Variants in MBD5 observed in about 807,000 individuals in gnomAD.
MBD5 encodes methyl-CpG-binding domain protein 5.
Under a neutral mutation model 117.3 loss-of-function variants are expected in MBD5, and 13 were observed. The observed-to-expected ratio is 0.11, with a 90% confidence interval of 0.07 to 0.18. MBD5 has a LOEUF of 0.18. Ranked by LOEUF, MBD5 falls within the 10% of genes least tolerant of loss-of-function variation. MBD5 has a pLI of 1.00. For missense variants in MBD5, 1,879 were observed against 2,093.8 expected, an observed-to-expected ratio of 0.90 and a Z score of 2.00; for synonymous variants, 727 against 766.4, an observed-to-expected ratio of 0.95 and a Z score of 0.85.
At chr2:148,255,753 AGACAGGAGTGT>A (rs1196623015) in intron 3 of MBD5, among the ~76,000 whole-genome samples, 1 of 152,348 alleles carries the variant, frequency 6.6e-6, no homozygotes, top group East Asian at 1.9e-4. Flanking sequence ...AGCCCCACAA[AGACAGGAGTGT>A]GACATGCAAG....
chr2:148,150,564 G>T (rs1370167232), intron 1 of MBD5, among the ~76,000 whole-genome samples: 16 of 152,094 alleles, frequency 1.1e-4, no homozygotes, highest in African/African-American at 2.2e-4. Context: ...TGATTCTTCT[G>T]ACCCATGAGC....
At chr2:148,339,289 A>G (rs1264951786) in intron 3 of MBD5, among the ~76,000 whole-genome samples, 4 of 152,232 alleles carry the variant, frequency 2.6e-5, no homozygotes, top group South Asian at 4.2e-4. Flanking sequence ...CAAAAAGGAT[A>G]TGGTAGGCTG....
rs1383742698 is a variant in MBD5 at position 148,449,179 on chromosome 2, A to T, written c.-556-9024A>T. Among the ~76,000 whole-genome samples the T allele has an allele frequency of 2.6e-5, 4 of 152,230 alleles. No homozygotes were observed. In the East Asian group the frequency reaches 7.7e-4, roughly 29 times the overall value. ...ATAAAAAGTAAATTTTTTTAAAGAT[A>T]TGTATTTGAGAGCTGGTAATTGTTC... On this transcript the variant is annotated intron_variant, in intron 4 of 13. Coordinates refer to ENST00000642680, the MANE Select transcript of MBD5 (RefSeq NM_001378120.1).
chr2:148,406,957 T>TA (rs1705097880), intron 4 of MBD5, among the ~76,000 whole-genome samples: 1 of 152,208 alleles, frequency 6.6e-6, no homozygotes, highest in Non-Finnish European at 1.5e-5. Context: ...TAACATGACC[T>TA]GCAATTATTT....
At position 148,330,049 on chromosome 2, in the gene MBD5, C is replaced by G. The variant is rs1358016024; in HGVS notation, c.-679-12165C>G. ...TAGGTAAGAACCCCCCCCCGCCCCC[C>G]CCACACACACACACACACTGCCTAA... On this transcript the variant is annotated intron_variant, in intron 3 of 13. Coordinates refer to ENST00000642680, the MANE Select transcript of MBD5 (RefSeq NM_001378120.1). Among the ~76,000 whole-genome samples, 202 of 45,890 alleles carry G rather than the reference C, an allele frequency of 4.4e-3. 18 individuals carry two copies. The highest frequency in any genetic ancestry group is 6.7e-3 in the Non-Finnish European group (135 of 20,008). The allele number at this position is 45,890 out of a possible 152,430, so 30.1% of individuals were successfully genotyped here.
chr2:148,484,114 C>A lies in MBD5; in HGVS notation c.3523C>A (p.Leu1175Ile). The A allele has an allele frequency of 1.3e-6, 2 of 1,511,008 alleles. No individual in the cohort carries two copies. Among genetic ancestry groups the A allele is most frequent in the South Asian group, 1.3e-5 (1 of 77,200 alleles). 93.6% of individuals were successfully genotyped at this position (1,511,008 alleles called of 1,614,324 possible). A position where few individuals can be genotyped will look rare whatever the true frequency, so the allele number is the denominator to read the frequency against. The stretch of plus-strand genomic sequence containing the variant: ...TGTGGTGCCACAGCTACTTAACCCT[C>A]TACTGGGGACAGGTCTACTTGGTAA... ...NSVVPQLLNPLLGTGLLGDMS... is the reference protein window; with the variant it reads ...NSVVPQLLNPILGTGLLGDMS... Residue 1175 changes from leucine to isoleucine, a missense_variant, in exon 9 of 14, where the codon CTA becomes ATA. Leu to Ile is a conservative substitution (Grantham distance 5, BLOSUM62 2). Coordinates refer to ENST00000642680, the MANE Select transcript of MBD5 (RefSeq NM_001378120.1).
intron 4 of MBD5, among the ~76,000 whole-genome samples, chr2:148,343,212 T>C (rs1702996490): frequency 6.6e-6 from 1 of 152,060 alleles, no homozygotes; most frequent in Non-Finnish European, 1.5e-5. Flanking sequence ...GAATCTTTAC[T>C]ATGAAGAATA....
At chr2:148,456,021 G>T (rs1242922922) in intron 4 of MBD5, among the ~76,000 whole-genome samples, 1 of 152,108 alleles carries the variant, frequency 6.6e-6, no homozygotes, top group African/African-American at 2.4e-5. Context: ...TGTGAACAGG[G>T]ATTGACCCGT....
intron 4 of MBD5, among the ~76,000 whole-genome samples, chr2:148,389,476 A>G (rs1288946473): frequency 6.6e-6 from 1 of 151,204 alleles, no homozygotes; most frequent in Non-Finnish European, 1.5e-5. Flanking sequence ...ATGGAATGGT[A>G]GTTCTATTTT....
chr2:148,330,115 A>ACACACACT (rs148068244), intron 3 of MBD5, among the ~76,000 whole-genome samples: 12 of 127,420 alleles, frequency 9.4e-5, no homozygotes, highest in African/African-American at 2.8e-4. Context: ...ACACACACAC[A>ACACACACT]CACTCTACCT....
intron 4 of MBD5, among the ~76,000 whole-genome samples, chr2:148,389,561 C>T (rs1047068295): frequency 1.3e-5 from 2 of 151,788 alleles, no homozygotes; most frequent in African/African-American, 2.4e-5. Flanking sequence ...AGTGTATAAG[C>T]ATTCCCTTTC....
In MBD5 at chr2:148,480,789, A is replaced by G. The variant is rs1326689029; in HGVS notation, c.2519-2321A>G. Among the ~76,000 whole-genome samples the G allele has an allele frequency of 2.0e-5, 3 of 152,204 alleles. No individual in the cohort carries two copies. The East Asian group carries it at 5.8e-4, about 29-fold the overall frequency. ...ATGTTTTCTTACCCTACTCTTGGTG[A>G]ATGTGGTCATTATTTCATAAATATT... is the stretch of plus-strand genomic sequence containing the variant. On this transcript the variant is annotated intron_variant, in intron 8 of 13. Coordinates refer to ENST00000642680, the MANE Select transcript of MBD5 (RefSeq NM_001378120.1).
intron 1 of MBD5, among the ~76,000 whole-genome samples, chr2:148,073,997 C>CT (rs918670381): frequency 2.1e-4 from 32 of 149,302 alleles, no homozygotes; most frequent in South Asian, 4.2e-4. Context: ...ACCAGATAAT[C>CT]TTTTTTTTTT....
At chr2:148,500,995 G>A (rs1485253754) in intron 11 of MBD5, among the ~76,000 whole-genome samples, 1 of 152,132 alleles carries the variant, frequency 6.6e-6, no homozygotes, top group Non-Finnish European at 1.5e-5. Context: ...TTTTCTTTAT[G>A]TGAAGTGTTA....
chr2:148,372,154 C>T (rs897124833), intron 4 of MBD5, among the ~76,000 whole-genome samples: 29 of 152,002 alleles, frequency 1.9e-4, no homozygotes, highest in Non-Finnish European at 1.6e-4. Flanking sequence ...TTTGATTACC[C>T]AAGTTACAAA....
chr2:148,297,779 A>G (rs1701689704), intron 3 of MBD5, among the ~76,000 whole-genome samples: 1 of 151,816 alleles, frequency 6.6e-6, no homozygotes, highest in Non-Finnish European at 1.5e-5. Flanking sequence ...TACTTAGCTT[A>G]TTTCTCTCAT....
chr2:148,212,204 C>T (rs1005649490), intron 2 of MBD5, among the ~76,000 whole-genome samples: 1 of 152,198 alleles, frequency 6.6e-6, no homozygotes, highest in Non-Finnish European at 1.5e-5. Flanking sequence ...TTTCCTCACT[C>T]CAAAAAGAAA....
Position 148,514,627 on chromosome 2 carries a change from C to G in MBD5, c.*1686C>G, listed in dbSNP as rs527397496. 3.3e-5 allele frequency: 5 copies of G among 152,556 alleles called. No individual in the cohort carries two copies. The highest frequency in any genetic ancestry group is 1.2e-4 in the African/African-American group (5 of 41,564). The allele number at this position is 152,556 out of a possible 1,614,324, so 9.5% of individuals were successfully genotyped here. ...CAGGCTCAGCACCTCAAACTGCCCA[C>G]CACCTCTCCTACTGCTCCTCTCCCA... On this transcript the variant is annotated 3_prime_UTR_variant, in exon 14 of 14. Transcript: ENST00000642680.
chr2:148,165,344 CA>C (rs1293882008), intron 1 of MBD5, among the ~76,000 whole-genome samples: 2 of 151,806 alleles, frequency 1.3e-5, no homozygotes, highest in African/African-American at 4.8e-5. Context: ...TAGCCTGAAC[CA>C]CATGAAATTA....
Sources: allele counts gnomAD v4.1 joint callset (sites outside exome capture counted in the v4.1 genomes callset), GRCh38; gene constraint gnomAD v4.1.1; transcripts MANE v1.5; gene names NCBI Gene and HGNC (gene_info 2026-07-23, HGNC 2026-07-21).